Variants in SCN7A observed in about 807,000 individuals in gnomAD.
SCN7A encodes the protein sodium voltage-gated channel alpha subunit 7.
Under a neutral mutation model 155.2 loss-of-function variants are expected in SCN7A, and 138 were observed. The observed-to-expected ratio is 0.89, with a 90% CI of 0.77 to 1.02. The LOEUF (loss-of-function observed/expected upper bound fraction) is 1.02. Ranked by LOEUF, SCN7A falls within the 50% of genes least tolerant of loss-of-function variation. The probability of loss-of-function intolerance (pLI) is 0.00; values close to 1 mark genes in which losing one functional copy is unlikely to be tolerated. For synonymous variants in SCN7A, 693 were observed against 649.0 expected (o/e 1.07, Z -1.03); for missense variants, 2,058 against 1,986.6 (o/e 1.04, Z -0.68).
chr2:166,441,357 C>A, intron 15 of SCN7A, 39 bp downstream of exon 15: 1 of 1,405,628 alleles, frequency 7.1e-7, no homozygotes, highest in South Asian at 1.4e-5. Flanking sequence ...CTACCTTATA[C>A]CAGTTTTCAT....
intron 2 of SCN7A, among the ~76,000 whole-genome samples, chr2:166,482,803 C>T (rs1237929502): frequency 6.6e-6 from 1 of 151,316 alleles, no homozygotes; most frequent in African/African-American, 2.4e-5. Flanking sequence ...ATAGAAGTGG[C>T]ATGCATCTGA....
chr2:166,409,706 C>G lies in SCN7A; in HGVS notation c.3941G>C (p.Trp1314Ser), dbSNP rs369406618. ...AACCACCATAAAATCAAAAATGTTC[C>G]ACGCAATGGTGAAATAAAAACAACG... is the stretch of plus-strand genomic sequence containing the variant. ...AFRCFYFTIA[W>S]NIFDFMVVIF... The change falls in exon 25 of 26, where the codon TGG becomes TCG. Residue 1314 changes from tryptophan to serine, a missense_variant. By Grantham distance (177) the Trp-to-Ser change is radical (BLOSUM62 -3). Transcript: ENST00000643258. The G allele has an allele frequency of 4.5e-5, 69 of 1,532,450 alleles. No homozygotes were observed. The highest frequency in any genetic ancestry group is 3.6e-4 in the Admixed American group (17 of 47,686). The allele number at this position is 1,532,450 out of a possible 1,614,324, so 94.9% of individuals were successfully genotyped here. A position where few individuals can be genotyped will look rare whatever the true frequency, so the allele number is the denominator to read the frequency against.
rs534259161 is a variant in SCN7A, at chr2:166,476,379, G to A, written c.234+1084C>T. Among the ~76,000 whole-genome samples the A allele has an allele frequency of 6.9e-4, 104 of 151,788 alleles. No individual in the cohort carries two copies. In the South Asian group the frequency reaches 7.1e-3, roughly 10 times the overall value. On this transcript the variant is annotated intron_variant, in intron 3 of 25. Coordinates refer to ENST00000643258, the MANE Select transcript of SCN7A (RefSeq NM_002976.4). The stretch of plus-strand genomic sequence containing the variant: ...ATGCTCTACAAGAATATCAAATTAC[G>A]TTTGCTATGAAGCTAATCATCACCT...
At chr2:166,425,172 T>C (rs1575014798) in intron 18 of SCN7A, among the ~76,000 whole-genome samples, 1 of 152,130 alleles carries the variant, frequency 6.6e-6, no homozygotes, top group Admixed American at 6.6e-5. Flanking sequence ...TCTTGAGGAT[T>C]ATGAAGAGGC....
intron 4 of SCN7A, 154 bp from the exon 5 acceptor site, chr2:166,474,042 A>G (rs927067794): frequency 2.3e-5 from 12 of 531,684 alleles, no homozygotes; most frequent in Admixed American, 1.9e-4. Flanking sequence ...TGTATATTAG[A>G]AAATATACTT....
At chr2:166,414,905 TAGG>T (rs1701334347) in intron 21 of SCN7A, among the ~76,000 whole-genome samples, 2 of 100,152 alleles carry the variant, frequency 2.0e-5, no homozygotes, top group African/African-American at 7.8e-5. Flanking sequence ...TATTATTATA[TAGG>T]ATAATATATA....
chr2:166,432,151 G>A (rs1469221885), intron 16 of SCN7A, among the ~76,000 whole-genome samples, 167 bp downstream of exon 16: 1 of 152,044 alleles, frequency 6.6e-6, no homozygotes, highest in African/African-American at 2.4e-5. Flanking sequence ...GAAAGTTTAA[G>A]TAATTTGATC....
At chr2:166,418,826 TTA>T (rs1466096187) in intron 20 of SCN7A, among the ~76,000 whole-genome samples, 1 of 152,198 alleles carries the variant, frequency 6.6e-6, no homozygotes, top group Non-Finnish European at 1.5e-5. Context: ...GACCTTAAAC[TTA>T]TTAAATACAT....
chr2:166,483,933 TA>T (rs1166759040), intron 2 of SCN7A, among the ~76,000 whole-genome samples: 6 of 151,960 alleles, frequency 3.9e-5, no homozygotes, highest in Admixed American at 3.9e-4. Context: ...GTGCAGCCAC[TA>T]AAAAAGATTA....
intron 10 of SCN7A, among the ~76,000 whole-genome samples, chr2:166,461,097 T>C (rs536871503): frequency 8.2e-4 from 119 of 145,886 alleles, no homozygotes; most frequent in African/African-American, 2.9e-3. Context: ...TTATGCTGCA[T>C]GCATGTTTGG....
chr2:166,446,779 A>G (rs1702072639), intron 12 of SCN7A, among the ~76,000 whole-genome samples: 1 of 152,178 alleles, frequency 6.6e-6, no homozygotes, highest in African/African-American at 2.4e-5. Context: ...AACAGGAACC[A>G]AACACCGCAT....
chr2:166,414,123 TATATTATATATATGTAAA>T, intron 21 of SCN7A, among the ~76,000 whole-genome samples: 1 of 82,740 alleles, frequency 1.2e-5, no homozygotes, highest in African/African-American at 5.8e-5. Context: ...ATATATATAA[TATATTATATATATGTAAA>T]TATATATAAA....
chr2:166,462,157 T>C (rs1278728445), intron 10 of SCN7A: 3 of 370,126 alleles, frequency 8.1e-6, no homozygotes, highest in Non-Finnish European at 1.4e-5. Flanking sequence ...CTCTCTTCTC[T>C]CTCTCTCTCT....
rs370068048 is a variant in SCN7A at position 166,447,997 on chromosome 2, C to A, written c.1291-289G>T. On this transcript the variant is annotated intron_variant, in intron 11 of 25. Transcript: ENST00000643258. ...ATTCCTCTCCTACAGCTATTTTGAA[C>A]TATATAATAAATTATTAATTAGAGT... Among the ~76,000 whole-genome samples the A allele has an allele frequency of 4.6e-5, 7 of 152,078 alleles. No individual in the cohort carries two copies. The South Asian group carries it at 1.0e-3, about 22-fold the overall frequency.
intron 2 of SCN7A, among the ~76,000 whole-genome samples, chr2:166,483,302 A>C (rs1006178431): frequency 2.0e-5 from 3 of 152,062 alleles, no homozygotes; most frequent in Non-Finnish European, 4.4e-5. Context: ...CTTACCAAGT[A>C]CCATTTTTGA....
At chr2:166,411,752 T>TC (rs1339570166) in intron 23 of SCN7A, among the ~76,000 whole-genome samples, 29 of 152,078 alleles carry the variant, frequency 1.9e-4, no homozygotes, top group Admixed American at 1.9e-3. Context: ...CCCTGCGGTT[T>TC]CAGGCATCCA....
At chr2:166,459,797 T>TA (rs981179896) in intron 10 of SCN7A, among the ~76,000 whole-genome samples, 3 of 152,078 alleles carry the variant, frequency 2.0e-5, no homozygotes, top group Non-Finnish European at 4.4e-5. Flanking sequence ...TATGCAGCCA[T>TA]AAAAAAGAAT....
At position 166,432,497 on chromosome 2, in the gene SCN7A, G is replaced by GA. The variant is rs1245316787; in HGVS notation, c.2412dup (p.Leu805SerfsTer4). On this transcript the variant is annotated frameshift_variant, in exon 16 of 26. Coordinates refer to ENST00000643258, the MANE Select transcript of SCN7A (RefSeq NM_002976.4). LOFTEE classifies it high-confidence loss of function. ...CCACTGCTTTTTTCCTTATCTTTGA[G>GA]AAAATCTTGGGTGTTGCTCAATTCA... 1 of 1,613,600 alleles carries GA rather than the reference G, an allele frequency of 6.2e-7. No individual in the cohort carries two copies. The highest frequency in any genetic ancestry group is 8.5e-7 in the Non-Finnish European group (1 of 1,179,672).
intron 10 of SCN7A, among the ~76,000 whole-genome samples, chr2:166,460,844 T>C (rs1702388061): frequency 6.6e-6 from 1 of 152,054 alleles, no homozygotes; most frequent in African/African-American, 2.4e-5. Flanking sequence ...CTATATATCA[T>C]GCATATAGAG....
Sources: allele counts gnomAD v4.1 joint callset (sites outside exome capture counted in the v4.1 genomes callset), GRCh38; gene constraint gnomAD v4.1.1; transcripts MANE v1.5; gene names NCBI Gene and HGNC (gene_info 2026-07-23, HGNC 2026-07-21).